VSIG4: variants seen among roughly 807,000 people sequenced by gnomAD.
The protein encoded by VSIG4 is V-set and immunoglobulin domain containing 4, also known as V-set and immunoglobulin domain-containing protein 4.
VSIG4 carries 34 observed loss-of-function variants against 23.4 expected under a neutral mutation model. The observed-to-expected ratio is 1.45, with a 90% CI of 1.10 to 1.93. The LOEUF is 1.93. VSIG4 is among the 30% of genes most tolerant of loss of function. The probability of loss-of-function intolerance (pLI) is 0.00; values close to 1 mark genes in which losing one functional copy is unlikely to be tolerated. For synonymous variants in VSIG4, 169 were observed against 120.3 expected, an observed-to-expected ratio of 1.41 and a Z score of -2.65; for missense variants, 433 against 310.8, an observed-to-expected ratio of 1.39 and a Z score of -2.96.
At chrX:66,025,003 C>A (rs369194820) in intron 6 of VSIG4, 22 bp downstream of exon 6, 23 of 1,108,680 alleles carry the variant, frequency 2.1e-5, no homozygotes, top group Admixed American at 2.6e-5. Flanking sequence ...GCCAAAGCCA[C>A]CTTCTCATAT....
At chrX:66,022,597 G>A (rs1281756596) in intron 7 of VSIG4, 97 bp from the exon 8 acceptor site, 18 of 1,152,804 alleles carry the variant, frequency 1.6e-5, no homozygotes, top group Non-Finnish European at 2.1e-5. Flanking sequence ...TAATTATCAG[G>A]ATCCTACCAC....
intron 7 of VSIG4, 140 bp downstream of exon 7, chrX:66,022,701 G>A: frequency 2.6e-6 from 3 of 1,148,312 alleles, no homozygotes; most frequent in Non-Finnish European, 3.5e-6. Context: ...AGAGAGGGAA[G>A]GCAGCTATGT....
intron 6 of VSIG4, among the ~76,000 whole-genome samples, chrX:66,024,220 T>C (rs5964486): frequency 0.29 from 32,310 of 111,711 alleles, 5,426 homozygotes; most frequent in African/African-American, 0.65. Flanking sequence ...CCAATTTTTT[T>C]CCTCCTCGGT....
At chrX:66,022,666 C>T (rs2085346319) in intron 7 of VSIG4, 166 bp from the exon 8 acceptor site, 6 of 1,127,226 alleles carry the variant, frequency 5.3e-6, no homozygotes, top group Non-Finnish European at 7.0e-6. Flanking sequence ...GTTCAGAGGG[C>T]CAAAACAACC....
chrX:66,033,971 C>T (rs957258346), intron 1 of VSIG4, 141 bp from the exon 2 acceptor site: 36 of 476,078 alleles, frequency 7.6e-5, no homozygotes, highest in Non-Finnish European at 1.0e-4. Flanking sequence ...TACCTGTGCC[C>T]TTTTGCTCTT....
intron 5 of VSIG4, among the ~76,000 whole-genome samples, chrX:66,026,613 C>G (rs2085395253): frequency 8.9e-6 from 1 of 112,007 alleles, no homozygotes; most frequent in Non-Finnish European, 1.9e-5. Context: ...AGCCAAAAAA[C>G]TCTGCAATCA....
intron 1 of VSIG4, among the ~76,000 whole-genome samples, chrX:66,038,333 G>A (rs1431904783): frequency 3.6e-5 from 4 of 110,237 alleles, no homozygotes; most frequent in Non-Finnish European, 7.6e-5. Context: ...GGTCCAGGGA[G>A]AGGGAAGGTA....
At chrX:66,038,481 TCA>T (rs10555185) in intron 1 of VSIG4, among the ~76,000 whole-genome samples, 30,644 of 101,540 alleles carry the variant, frequency 0.3, 6,088 homozygotes, top group African/African-American at 0.72. Flanking sequence ...TCTCTCTCTC[TCA>T]CACACACACA....
Position 66,022,522 on chromosome X carries a change from C to T in VSIG4, c.963-22G>A, listed in dbSNP as rs747210846. ...TGCCCTATGGCCCAAGAGCCCACCA[C>T]CCATAAGAAGGGACTTGGGGCTGTG... On this transcript the variant is annotated intron_variant, in intron 7 of 7. Coordinates refer to ENST00000374737, the MANE Select transcript of VSIG4 (RefSeq NM_007268.3). 6 of 1,206,991 alleles carry T rather than the reference C, an allele frequency of 5.0e-6. No individual in the cohort carries two copies. In the South Asian group the frequency reaches 8.9e-5, roughly 18 times the overall value.
chrX:66,028,589 T>G lies in VSIG4; in HGVS notation c.695-477A>C, dbSNP rs187226620. Among the ~76,000 whole-genome samples, 551 of 102,678 alleles carry G rather than the reference T, an allele frequency of 5.4e-3. 33 individuals are homozygous for G. The Admixed American group carries it at 0.055, about 10-fold the overall frequency. 89.2% of individuals were successfully genotyped at this position (102,678 alleles called of 115,157 possible). ...TTTTTTTTTTTTTTTTTTTTTAGAATTTTGCAAAATAGCCAAAGGTTTGCA... is the reference window on the plus strand; with the variant it reads ...TTTTTTTTTTTTTTTTTTTTTAGAAGTTTGCAAAATAGCCAAAGGTTTGCA... On this transcript the variant is annotated intron_variant, in intron 3 of 7. Coordinates refer to ENST00000374737, the MANE Select transcript of VSIG4 (RefSeq NM_007268.3).
intron 5 of VSIG4, among the ~76,000 whole-genome samples, chrX:66,027,060 A>G (rs1036389291): frequency 8.9e-6 from 1 of 111,745 alleles, no homozygotes; most frequent in Admixed American, 9.5e-5. Context: ...ATCAGCTTCA[A>G]GCGGCTTGAA....
At chrX:66,035,084 G>C (rs1343836632) in intron 1 of VSIG4, among the ~76,000 whole-genome samples, 1 of 111,000 alleles carries the variant, frequency 9.0e-6, no homozygotes, top group Non-Finnish European at 1.9e-5. Flanking sequence ...CCAGCATCAG[G>C]ACTTCTGTTA....
At chrX:66,037,002 C>CATATAATATATCATATA (rs2085581998) in intron 1 of VSIG4, among the ~76,000 whole-genome samples, 6 of 12,842 alleles carry the variant, frequency 4.7e-4, no homozygotes, top group Non-Finnish European at 6.2e-4. Flanking sequence ...TATAATATAT[C>CATATAATATATCATATA]ATATAATATA....
intron 3 of VSIG4, among the ~76,000 whole-genome samples, chrX:66,030,439 A>G (rs943012791): frequency 9.0e-6 from 1 of 111,602 alleles, no homozygotes; most frequent in African/African-American, 3.3e-5. Context: ...TATATTATAC[A>G]TGCATATCTA....
rs765397094 is a variant in VSIG4 at position 66,022,040 on chromosome X, C to G, written c.*223G>C. On this transcript the variant is annotated 3_prime_UTR_variant, in exon 8 of 8. Coordinates refer to ENST00000374737, the MANE Select transcript of VSIG4 (RefSeq NM_007268.3). The stretch of plus-strand genomic sequence containing the variant: ...TTTAGAGAGGAGTACCAGAAGCCCC[C>G]GGCAGAGATACTAGAAGGGCCCAGA... 8.6e-7 allele frequency: 1 copy of G among 1,156,139 alleles called. No homozygotes were observed. Among genetic ancestry groups the G allele is most frequent in the South Asian group, 1.9e-5 (1 of 51,947 alleles).
intron 2 of VSIG4, 135 bp downstream of exon 2, chrX:66,033,339 T>G: frequency 1.8e-6 from 1 of 562,212 alleles, no homozygotes; most frequent in South Asian, 3.2e-5. Context: ...CCTGTCCACT[T>G]CCTCTGATAA....
At chrX:66,029,211 T>A (rs1231761683) in intron 3 of VSIG4, among the ~76,000 whole-genome samples, 1 of 111,918 alleles carries the variant, frequency 8.9e-6, no homozygotes, top group Admixed American at 9.4e-5. Context: ...TTGGGCTTTG[T>A]TCTTTAGTTG....
intron 1 of VSIG4, among the ~76,000 whole-genome samples, chrX:66,036,719 A>G (rs1300107654): frequency 1.9e-5 from 1 of 53,204 alleles, no homozygotes; most frequent in East Asian, 6.0e-4. Context: ...TATATAATAT[A>G]TATATTATAT....
At chrX:66,022,608 C>G in intron 7 of VSIG4, 108 bp from the exon 8 acceptor site, 1 of 1,143,680 alleles carries the variant, frequency 8.7e-7, no homozygotes, top group South Asian at 2.1e-5. Context: ...ATCCTACCAC[C>G]CAGGGATTCT....
Sources: allele counts gnomAD v4.1 joint callset (sites outside exome capture counted in the v4.1 genomes callset), GRCh38; gene constraint gnomAD v4.1.1; transcripts MANE v1.5; gene names NCBI Gene and HGNC (gene_info 2026-07-23, HGNC 2026-07-21).